Variants in NALCN observed in about 807,000 individuals in gnomAD.
NALCN encodes the protein sodium leak channel, non-selective, also known as sodium leak channel NALCN.
In NALCN, 111 loss-of-function variants were observed where a neutral mutation model predicts 225.3. The observed-to-expected ratio is 0.49, with a 90% confidence interval of 0.42 to 0.58. NALCN has a LOEUF of 0.58. Ranked by LOEUF, NALCN falls within the 20% of genes least tolerant of loss-of-function variation. NALCN has a pLI of 0.00. For synonymous variants in NALCN, 764 were observed against 769.0 expected, an observed-to-expected ratio of 0.99 and a Z score of 0.11; for missense variants, 1,378 against 2,202.4, an observed-to-expected ratio of 0.63 and a Z score of 7.49.
chr13:101,120,244 G>A (rs936909626), intron 18 of NALCN, among the ~76,000 whole-genome samples: 2 of 152,146 alleles, frequency 1.3e-5, no homozygotes, highest in Middle Eastern at 3.2e-3. Context: ...AAGACCCCTG[G>A]CAGCTCTCCA....
At chr13:101,371,803 C>G (rs2046547221) in intron 6 of NALCN, among the ~76,000 whole-genome samples, 1 of 152,308 alleles carries the variant, frequency 6.6e-6, no homozygotes, top group African/African-American at 2.4e-5. Flanking sequence ...TGAGTTTCTT[C>G]TTCATTTACG....
At chr13:101,218,538 C>T (rs570508328) in intron 13 of NALCN, among the ~76,000 whole-genome samples, 1 of 152,158 alleles carries the variant, frequency 6.6e-6, no homozygotes, top group South Asian at 2.1e-4. Context: ...GTGTCCCCAC[C>T]CAAATCTCAT....
At chr13:101,276,673 A>G (rs1272402415) in intron 10 of NALCN, among the ~76,000 whole-genome samples, 1 of 152,214 alleles carries the variant, frequency 6.6e-6, no homozygotes, top group Non-Finnish European at 1.5e-5. Context: ...CAAACTGCAG[A>G]CAAAAGATGC....
In NALCN at chr13:101,235,960, C is replaced by T. The variant is rs188042006; in HGVS notation, c.1434+1795G>A. 7.2e-3 allele frequency among the ~76,000 whole-genome samples: 1,103 copies of T among 152,160 alleles called. 10 individuals are homozygous for T. The highest frequency in any genetic ancestry group is 0.028 in the South Asian group (135 of 4,818). ...AAAGTTGCAATGCATGTTCTTTTTC[C>T]TAAGGGGTTAGAGTCCTGTTTCTCA... On this transcript the variant is annotated intron_variant, in intron 12 of 43. Coordinates refer to ENST00000251127, the MANE Select transcript of NALCN (RefSeq NM_052867.4).
chr13:101,062,652 G>A (rs930029284), intron 40 of NALCN, among the ~76,000 whole-genome samples: 2 of 152,080 alleles, frequency 1.3e-5, no homozygotes, highest in African/African-American at 2.4e-5. Flanking sequence ...TGACCAGGCT[G>A]GAGTGTAATG....
intron 11 of NALCN, among the ~76,000 whole-genome samples, chr13:101,253,062 A>G (rs892013591): frequency 6.6e-6 from 1 of 152,152 alleles, no homozygotes; most frequent in African/African-American, 2.4e-5. Flanking sequence ...TCATTATAAC[A>G]TATGATTTAA....
intron 14 of NALCN, among the ~76,000 whole-genome samples, chr13:101,187,270 G>C (rs1213003248): frequency 2.0e-5 from 3 of 152,118 alleles, no homozygotes; most frequent in Admixed American, 6.6e-5. Context: ...CTTTATCAAA[G>C]TTATGTATGT....
intron 43 of NALCN, 78 bp downstream of exon 43, chr13:101,057,845 ACTTGCATTTTGAAAGG>A: frequency 1.1e-6 from 1 of 932,896 alleles, no homozygotes; most frequent in Non-Finnish European, 1.8e-6. Context: ...GTAGATGCAG[ACTTGCATTTTGAAAGG>A]CAAGACCCAA....
chr13:101,064,765 G>T (rs1435419007), intron 40 of NALCN, among the ~76,000 whole-genome samples: 1 of 152,074 alleles, frequency 6.6e-6, no homozygotes, highest in African/African-American at 2.4e-5. Context: ...CAGCATCCAG[G>T]ACTTCGAGAC....
intron 7 of NALCN, among the ~76,000 whole-genome samples, chr13:101,315,337 G>C (rs1020175692): frequency 1.3e-5 from 2 of 152,114 alleles, no homozygotes; most frequent in Non-Finnish European, 2.9e-5. Context: ...GTTCCAACCA[G>C]ATTTCTTTTC....
intron 7 of NALCN, among the ~76,000 whole-genome samples, chr13:101,306,180 G>A (rs959929223): frequency 1.3e-5 from 2 of 152,174 alleles, no homozygotes; most frequent in African/African-American, 4.8e-5. Flanking sequence ...GAGCTCCCGA[G>A]GCTGCAGACC....
At chr13:101,157,611 C>T (rs2037968117) in intron 15 of NALCN, among the ~76,000 whole-genome samples, 1 of 152,154 alleles carries the variant, frequency 6.6e-6, no homozygotes, top group East Asian at 1.9e-4. Context: ...AGTTAATTCC[C>T]TAACTTTTTG....
At chr13:101,156,674 T>C (rs1269921437) in intron 15 of NALCN, among the ~76,000 whole-genome samples, 1 of 152,186 alleles carries the variant, frequency 6.6e-6, no homozygotes, top group Non-Finnish European at 1.5e-5. Context: ...TCTCTGATGG[T>C]ATGAACTCTG....
At chr13:101,351,016 T>C (rs957413457) in intron 6 of NALCN, among the ~76,000 whole-genome samples, 1 of 152,156 alleles carries the variant, frequency 6.6e-6, no homozygotes, top group African/African-American at 2.4e-5. Flanking sequence ...AACATACATA[T>C]ATGTATATAC....
At chr13:101,109,284 G>A (rs2035304788) in intron 20 of NALCN, among the ~76,000 whole-genome samples, 1 of 152,170 alleles carries the variant, frequency 6.6e-6, no homozygotes, top group African/African-American at 2.4e-5. Context: ...ATCAGATAGA[G>A]CTATGGATAT....
chr13:101,244,257 T>C (rs2041828025), intron 11 of NALCN, among the ~76,000 whole-genome samples: 1 of 152,166 alleles, frequency 6.6e-6, no homozygotes, highest in South Asian at 2.1e-4. Flanking sequence ...TTCCAATAGA[T>C]TGTCTAATTA....
intron 15 of NALCN, among the ~76,000 whole-genome samples, chr13:101,151,123 G>C (rs750652541): frequency 7.9e-5 from 12 of 152,198 alleles, no homozygotes; most frequent in Non-Finnish European, 1.6e-4. Context: ...TAAGCTCAGT[G>C]CTATTCTACG....
intron 15 of NALCN, among the ~76,000 whole-genome samples, chr13:101,147,941 T>C (rs1437952741): frequency 1.3e-5 from 2 of 152,132 alleles, no homozygotes; most frequent in Non-Finnish European, 2.9e-5. Flanking sequence ...CAAATTCTAC[T>C]TGTTTTCTAG....
At chr13:101,154,089 C>T (rs142502016) in intron 15 of NALCN, among the ~76,000 whole-genome samples, 1 of 152,264 alleles carries the variant, frequency 6.6e-6, no homozygotes, top group East Asian at 1.9e-4. Context: ...AGTAAACACG[C>T]GTGCTGGATA....
Sources: gnomAD v4.1 joint callset for allele counts (sites outside exome capture counted in the v4.1 genomes callset) on GRCh38, gnomAD v4.1.1 for gene constraint, MANE v1.5 for transcripts, NCBI Gene and HGNC (gene_info 2026-07-23, HGNC 2026-07-21) for gene names.